Variants in ATF7IP observed in about 807,000 individuals in gnomAD.
ATF7IP encodes activating transcription factor 7 interacting protein.
In ATF7IP, 23 loss-of-function variants were observed where a neutral mutation model predicts 106.4. That is an observed-to-expected ratio of 0.22 (90% CI 0.16 to 0.31). ATF7IP has a LOEUF of 0.31. ATF7IP is among the 10% of genes least tolerant of loss of function. The pLI is 1.00. For missense variants in ATF7IP, 1,334 were observed against 1,524.3 expected, an observed-to-expected ratio of 0.88 and a Z score of 2.08; for synonymous variants, 542 against 539.0, an observed-to-expected ratio of 1.01 and a Z score of -0.08.
At chr12:14,375,503 T>G (rs1250007161) in intron 1 of ATF7IP, among the ~76,000 whole-genome samples, 3 of 151,832 alleles carry the variant, frequency 2.0e-5, no homozygotes, top group East Asian at 1.9e-4. Flanking sequence ...CCCACCAAAC[T>G]TACTTTAAAT....
At chr12:14,481,296 T>A (rs71530946) in intron 13 of ATF7IP, 111 bp downstream of exon 13, 40,640 of 896,672 alleles carry the variant, frequency 0.045, 4,357 homozygotes, top group African/African-American at 0.36. Flanking sequence ...TATAATGTCA[T>A]ATTAAAAGTA....
At chr12:14,391,714 TTTTGTTTG>T (rs759483691) in intron 1 of ATF7IP, among the ~76,000 whole-genome samples, 23 of 152,054 alleles carry the variant, frequency 1.5e-4, no homozygotes, top group Non-Finnish European at 2.6e-4. Flanking sequence ...GTCTTAGGTA[TTTTGTTTG>T]TTTGTTTGTT....
Position 14,423,958 on chromosome 12 carries a change from C to A in ATF7IP, c.43C>A (p.Arg15=). Residue 15 remains arginine (R), a synonymous_variant, in exon 2 of 15, where the codon CGA becomes AGA. Coordinates refer to ENST00000261168, the MANE Select transcript of ATF7IP (RefSeq NM_018179.5). ...ACCTCAGAAAAAAGTCTTTAAGGCT[C>A]GAAAAACGATGAGAGTGAGTGATCG... ...EEPQKKVFKA[R]KTMRVSDRQQ... 6.2e-7 allele frequency: 1 copy of A among 1,611,508 alleles called. No individual in the cohort carries two copies. The highest frequency in any genetic ancestry group is 8.5e-7 in the Non-Finnish European group (1 of 1,179,156).
At chr12:14,386,810 T>C (rs2136423271) in intron 1 of ATF7IP, among the ~76,000 whole-genome samples, 1 of 152,284 alleles carries the variant, frequency 6.6e-6, no homozygotes, top group South Asian at 2.1e-4. Context: ...CCTTGGCCTC[T>C]TAAGGCACTG....
intron 5 of ATF7IP, among the ~76,000 whole-genome samples, chr12:14,441,735 C>T (rs1209128149): frequency 1.3e-5 from 2 of 152,030 alleles, no homozygotes; most frequent in African/African-American, 4.8e-5. Context: ...ATGATCTGCC[C>T]ACCTCGGCCT....
At chr12:14,483,447 G>T (rs191715689) in intron 13 of ATF7IP, among the ~76,000 whole-genome samples, 35 of 152,282 alleles carry the variant, frequency 2.3e-4, no homozygotes, top group African/African-American at 6.7e-4. Flanking sequence ...GGTAAGAGGA[G>T]CCCAAAGTGT....
At chr12:14,450,065 G>A (rs1943138156) in intron 6 of ATF7IP, among the ~76,000 whole-genome samples, 1 of 151,964 alleles carries the variant, frequency 6.6e-6, no homozygotes, top group Non-Finnish European at 1.5e-5. Flanking sequence ...ACATATGTTT[G>A]AACAGTTGTC....
intron 5 of ATF7IP, among the ~76,000 whole-genome samples, chr12:14,440,972 C>T (rs1349207687): frequency 1.3e-5 from 2 of 152,296 alleles, no homozygotes; most frequent in East Asian, 1.9e-4. Flanking sequence ...TTTGCTTATA[C>T]GTTCATCCAT....
chr12:14,500,513 T>G lies in ATF7IP; in HGVS notation c.*2440T>G, dbSNP rs1226295420. On this transcript the variant is annotated 3_prime_UTR_variant, in exon 15 of 15. Transcript: ENST00000261168. ...AAGGAGGAGTTGATGATCTTCTAGATGTATATGAACACCTGTCTATATCTG... is the reference window on the plus strand; with the variant it reads ...AAGGAGGAGTTGATGATCTTCTAGAGGTATATGAACACCTGTCTATATCTG... 1 of 152,186 alleles carries G rather than the reference T, an allele frequency of 6.6e-6. No individual in the cohort carries two copies. Among genetic ancestry groups the G allele is most frequent in the Non-Finnish European group, 1.5e-5 (1 of 68,024 alleles). The allele number at this position is 152,186 out of a possible 1,614,324, so 9.4% of individuals were successfully genotyped here. A position where few individuals can be genotyped will look rare whatever the true frequency, so the allele number is the denominator to read the frequency against.
In ATF7IP at chr12:14,392,365, T is replaced by A. The variant is rs528809937; in HGVS notation, c.-8+26538T>A. On this transcript the variant is annotated intron_variant, in intron 1 of 14. Transcript: ENST00000261168. The stretch of plus-strand genomic sequence containing the variant: ...GGGCCTGGCTGATTTACAGTAAAAA[T>A]GTCACAGAGCAGGGTCTTTAGAATC... Among the ~76,000 whole-genome samples, 4 of 152,218 alleles carry A rather than the reference T, an allele frequency of 2.6e-5. No homozygotes were observed. The South Asian group carries it at 8.3e-4, about 32-fold the overall frequency.
intron 2 of ATF7IP, among the ~76,000 whole-genome samples, chr12:14,427,315 G>A (rs564799900): frequency 6.6e-6 from 1 of 151,384 alleles, no homozygotes; most frequent in Admixed American, 6.6e-5. Context: ...TAGAGACAGG[G>A]TCTTGCTATA....
chr12:14,385,249 G>A (rs1939165373), intron 1 of ATF7IP: 2 of 659,858 alleles, frequency 3.0e-6, no homozygotes, highest in South Asian at 2.4e-5. Context: ...CACTGTGTGA[G>A]TTCTTGAGTG....
chr12:14,470,561 A>G (rs1367082946), intron 10 of ATF7IP, among the ~76,000 whole-genome samples: 3 of 152,340 alleles, frequency 2.0e-5, no homozygotes, highest in South Asian at 2.1e-4. Flanking sequence ...GTCTACAGTC[A>G]GACAGCCTGG....
chr12:14,446,080 A>C (rs1341113675), intron 5 of ATF7IP, among the ~76,000 whole-genome samples: 1 of 152,094 alleles, frequency 6.6e-6, no homozygotes, highest in Non-Finnish European at 1.5e-5. Flanking sequence ...GAGTTTGTAT[A>C]AGTACAACAA....
At chr12:14,465,144 A>G (rs1315266551) in intron 9 of ATF7IP, among the ~76,000 whole-genome samples, 1 of 152,050 alleles carries the variant, frequency 6.6e-6, no homozygotes, top group Non-Finnish European at 1.5e-5. Flanking sequence ...AACCTGGGAG[A>G]TGGAGGTTGC....
intron 1 of ATF7IP, among the ~76,000 whole-genome samples, chr12:14,407,636 C>CT (rs1488264776): frequency 6.6e-6 from 1 of 152,112 alleles, no homozygotes; most frequent in African/African-American, 2.4e-5. Context: ...GTATTGTCAA[C>CT]TTTAACATTA....
intron 2 of ATF7IP, among the ~76,000 whole-genome samples, chr12:14,433,003 T>C (rs894568163): frequency 1.3e-5 from 2 of 152,212 alleles, no homozygotes; most frequent in Non-Finnish European, 2.9e-5. Flanking sequence ...TTTAATATAA[T>C]TGTATAGACA....
intron 13 of ATF7IP, among the ~76,000 whole-genome samples, chr12:14,495,654 A>G (rs1234761347): frequency 6.6e-6 from 1 of 152,174 alleles, no homozygotes; most frequent in Non-Finnish European, 1.5e-5. Context: ...TGAAGTGAGT[A>G]TCCTCAACCA....
Position 14,424,350 on chromosome 12 carries a change from C to G in ATF7IP, c.435C>G (p.Ala145=), listed in dbSNP as rs1174679614. The change falls in exon 2 of 15, where the codon GCC becomes GCG. Residue 145 remains alanine, a synonymous_variant. Coordinates refer to ENST00000261168, the MANE Select transcript of ATF7IP (RefSeq NM_018179.5). Reference sequence around the variant, plus strand: ...GTGATCTGGATGCCGGAGATCCAGCCTCCGGAGTACTGGCCTCTGGTGATT... The same window carrying G: ...GTGATCTGGATGCCGGAGATCCAGCGTCCGGAGTACTGGCCTCTGGTGATT... ...APGDLDAGDP[A]SGVLASGDST... is the part of the protein sequence containing the mutation. 1.2e-6 allele frequency: 2 copies of G among 1,614,182 alleles called. No individual in the cohort carries two copies. The highest frequency in any genetic ancestry group is 1.7e-6 in the Non-Finnish European group (2 of 1,180,012).
Sources: allele counts gnomAD v4.1 joint callset (sites outside exome capture counted in the v4.1 genomes callset), GRCh38; gene constraint gnomAD v4.1.1; transcripts MANE v1.5; gene names NCBI Gene and HGNC (gene_info 2026-07-23, HGNC 2026-07-21).